Variants in KCNH8 observed in about 807,000 individuals in gnomAD.
The protein encoded by KCNH8 is voltage-gated delayed rectifier potassium channel KCNH8.
In KCNH8, 70 loss-of-function variants were observed where a neutral mutation model predicts 103.6. The observed-to-expected ratio is 0.68, with a 90% CI of 0.56 to 0.82. The LOEUF (loss-of-function observed/expected upper bound fraction) is 0.82, where lower values mean the gene tolerates loss of function less well. Among genes scored for constraint, KCNH8 ranks in the 40% least tolerant of loss-of-function variants. The probability of loss-of-function intolerance (pLI) is 0.00; values close to 1 mark genes in which losing one functional copy is unlikely to be tolerated. For synonymous variants in KCNH8, 498 were observed against 489.4 expected, an observed-to-expected ratio of 1.02 and a Z score of -0.23; for missense variants, 1,217 against 1,329.9, an observed-to-expected ratio of 0.92 and a Z score of 1.32.
intron 2 of KCNH8, among the ~76,000 whole-genome samples, chr3:19,260,292 G>C (rs551085337): frequency 1.3e-5 from 2 of 150,934 alleles, no homozygotes; most frequent in East Asian, 3.9e-4. Context: ...TCATGCAAGT[G>C]TACACATAAG....
At chr3:19,259,752 C>CATATATAT (rs34904245) in intron 2 of KCNH8, among the ~76,000 whole-genome samples, 1 of 145,500 alleles carries the variant, frequency 6.9e-6, no homozygotes, top group African/African-American at 2.5e-5. Flanking sequence ...TATATATGTA[C>CATATATAT]ATATATATAT....
intron 7 of KCNH8, among the ~76,000 whole-genome samples, chr3:19,402,012 C>T (rs867588801): frequency 6.6e-6 from 1 of 151,880 alleles, no homozygotes; most frequent in African/African-American, 2.4e-5. Context: ...CAAATGTGTT[C>T]ACACTTCCTA....
At chr3:19,289,612 T>C (rs2064888279) in intron 3 of KCNH8, among the ~76,000 whole-genome samples, 3 of 152,218 alleles carry the variant, frequency 2.0e-5, no homozygotes, top group Non-Finnish European at 2.9e-5. Context: ...AGTACCATGC[T>C]GTTTTGGTTA....
At chr3:19,431,306 A>C (rs2067118032) in intron 7 of KCNH8, among the ~76,000 whole-genome samples, 1 of 152,264 alleles carries the variant, frequency 6.6e-6, no homozygotes, top group African/African-American at 2.4e-5. Context: ...GTGTATGTTG[A>C]ACCAACCTTG....
At chr3:19,510,525 A>C in intron 12 of KCNH8, 124 bp downstream of exon 12, 1 of 687,052 alleles carries the variant, frequency 1.5e-6, no homozygotes, top group South Asian at 1.7e-5. Context: ...TGACTTCCCA[A>C]TAAGAGATGT....
intron 5 of KCNH8, among the ~76,000 whole-genome samples, chr3:19,374,438 CT>C (rs1329049831): frequency 6.6e-6 from 1 of 151,682 alleles, no homozygotes; most frequent in African/African-American, 2.4e-5. Context: ...CAACCCCTGC[CT>C]TTTTTTGTTT....
Position 19,518,093 on chromosome 3 carries a change from G to T in KCNH8, c.2619+19G>T. 1 of 1,586,686 alleles carries T rather than the reference G, an allele frequency of 6.3e-7. No individual in the cohort carries two copies. Among genetic ancestry groups the T allele is most frequent in the South Asian group, 1.1e-5 (1 of 90,412 alleles). Reference sequence around the variant, plus strand: ...CAGTGAGGTATGGAGCTCTTTCTTTGGTCATGCCTAAATGGTAAGAGGAGA... The same window carrying T: ...CAGTGAGGTATGGAGCTCTTTCTTTTGTCATGCCTAAATGGTAAGAGGAGA... On this transcript the variant is annotated intron_variant, in intron 15 of 15. Coordinates refer to ENST00000328405, the MANE Select transcript of KCNH8 (RefSeq NM_144633.3).
rs111864753 is a variant in KCNH8 at position 19,450,213 on chromosome 3, C to T, written c.1483C>T (p.Arg495Cys). Reference protein sequence around the residue: ...TRTKDLKDFIRVHHLPQQLKQ... With the variant: ...TRTKDLKDFICVHHLPQQLKQ... ...AACTAAGGATCTGAAAGATTTCATC[C>T]GTGTCCATCACTTGCCCCAACAACT... The change falls in exon 9 of 16, where the codon CGT (arginine) becomes TGT (cysteine). Residue 495 changes from arginine to cysteine, a missense_variant. This residue lies in a region of KCNH8 where 415 missense variants were observed against 577.4 expected (regional missense o/e 0.72). Transcript: ENST00000328405. 3.0e-4 allele frequency: 482 copies of T among 1,613,412 alleles called. 2 individuals carry two copies. The highest frequency in any genetic ancestry group is 1.8e-4 in the Admixed American group (11 of 59,934).
chr3:19,204,907 T>C (rs560391522), intron 1 of KCNH8, among the ~76,000 whole-genome samples: 1 of 152,192 alleles, frequency 6.6e-6, no homozygotes, highest in South Asian at 2.1e-4. Flanking sequence ...TTGATCTTCC[T>C]GAGTCTTGTC....
intron 11 of KCNH8, 64 bp downstream of exon 11, chr3:19,457,046 A>G: frequency 8.9e-7 from 1 of 1,124,022 alleles, no homozygotes; most frequent in South Asian, 1.4e-5. Context: ...CATTTGTAAC[A>G]GTAAAGGCAG....
intron 5 of KCNH8, among the ~76,000 whole-genome samples, chr3:19,386,247 A>G (rs1440918551): frequency 6.6e-6 from 1 of 152,088 alleles, no homozygotes; most frequent in African/African-American, 2.4e-5. Context: ...TCTCTTGATT[A>G]TTTGTCTTTT....
At chr3:19,226,623 G>GCA (rs146546353) in intron 1 of KCNH8, among the ~76,000 whole-genome samples, 2,489 of 145,558 alleles carry the variant, frequency 0.017, 19 homozygotes, top group Non-Finnish European at 0.022. Flanking sequence ...ACACATGCAT[G>GCA]CACACACACA....
chr3:19,163,115 A>G (rs980046934), intron 1 of KCNH8, among the ~76,000 whole-genome samples: 8 of 151,916 alleles, frequency 5.3e-5, no homozygotes, highest in African/African-American at 1.7e-4. Flanking sequence ...AAATAAAAAT[A>G]ATGATACTAC....
intron 1 of KCNH8, among the ~76,000 whole-genome samples, chr3:19,160,911 C>T (rs139970196): frequency 5.3e-5 from 8 of 152,116 alleles, no homozygotes; most frequent in Admixed American, 1.3e-4. Context: ...GGCCCTAAAG[C>T]GCAAGAGTGG....
intron 14 of KCNH8, among the ~76,000 whole-genome samples, 157 bp from the exon 15 acceptor site, chr3:19,517,841 A>G (rs1201733321): frequency 1.3e-5 from 2 of 152,014 alleles, no homozygotes; most frequent in East Asian, 3.9e-4. Context: ...GAGGAATACA[A>G]AAAGCTTGCC....
chr3:19,450,603 G>T, intron 9 of KCNH8: 1 of 379,708 alleles, frequency 2.6e-6, no homozygotes, highest in Non-Finnish European at 4.9e-6. Flanking sequence ...TAATTTAACA[G>T]TGTAATCTGG....
intron 15 of KCNH8, among the ~76,000 whole-genome samples, chr3:19,522,973 A>T (rs1559370523): frequency 6.6e-6 from 1 of 151,806 alleles, no homozygotes; most frequent in Non-Finnish European, 1.5e-5. Context: ...TATATGTGTG[A>T]TAAGAACCAA....
At chr3:19,153,719 G>A (rs1216899320) in intron 1 of KCNH8, among the ~76,000 whole-genome samples, 2 of 145,174 alleles carry the variant, frequency 1.4e-5, no homozygotes, top group African/African-American at 2.6e-5. Flanking sequence ...TGAAACCTCC[G>A]CCTCCCGGGT....
At chr3:19,296,863 C>T (rs979101013) in intron 3 of KCNH8, among the ~76,000 whole-genome samples, 4 of 149,864 alleles carry the variant, frequency 2.7e-5, no homozygotes, top group African/African-American at 9.8e-5. Context: ...ATATTTTTTT[C>T]TTAAAAAAAA....
Sources: allele counts gnomAD v4.1 joint callset (sites outside exome capture counted in the v4.1 genomes callset), GRCh38; gene constraint gnomAD v4.1.1; regional missense constraint gnomAD v4.1.1; transcripts MANE v1.5; gene names NCBI Gene and HGNC (gene_info 2026-07-23, HGNC 2026-07-21).